Variants in OLFML2A observed in about 807,000 individuals in gnomAD.
OLFML2A encodes the protein olfactomedin like 2A.
OLFML2A carries 47 observed loss-of-function variants against 60.9 expected under a neutral mutation model. The observed-to-expected ratio is 0.77, with a 90% CI of 0.61 to 0.98. The LOEUF (loss-of-function observed/expected upper bound fraction) is 0.98, where lower values mean the gene tolerates loss of function less well. Ranked by LOEUF, OLFML2A falls within the 50% of genes least tolerant of loss-of-function variation. The pLI is 0.00. For missense variants in OLFML2A, 922 were observed against 879.8 expected (o/e 1.05, Z -0.61); for synonymous variants, 372 against 375.0 (o/e 0.99, Z 0.09).
intron 1 of OLFML2A, 98 bp from the exon 2 acceptor site, chr9:124,786,877 G>A (rs1841483774): frequency 2.1e-5 from 27 of 1,311,328 alleles, no homozygotes; most frequent in Non-Finnish European, 2.6e-5. Flanking sequence ...TCATCCCAAG[G>A]CTGGCTGGCC....
intron 4 of OLFML2A, among the ~76,000 whole-genome samples, chr9:124,799,993 TC>T (rs1411660332): frequency 6.6e-6 from 1 of 152,112 alleles, no homozygotes; most frequent in Non-Finnish European, 1.5e-5. Flanking sequence ...GCACTCGACC[TC>T]CAAGCTCAGA....
At chr9:124,784,238 C>G (rs10116150) in intron 1 of OLFML2A, among the ~76,000 whole-genome samples, 5,897 of 150,520 alleles carry the variant, frequency 0.039, 365 homozygotes, top group African/African-American at 0.13. Flanking sequence ...GAGTCTTGCT[C>G]TCTTGTCCAG....
Position 124,780,325 on chromosome 9 carries a change from TG to T in OLFML2A, c.90+2966del, listed in dbSNP as rs1841338122. 2.6e-5 allele frequency among the ~76,000 whole-genome samples: 4 copies of T among 152,346 alleles called. No individual in the cohort carries two copies. In the South Asian group the frequency reaches 8.3e-4, roughly 32 times the overall value. On this transcript the variant is annotated intron_variant, in intron 1 of 7. Coordinates refer to ENST00000373580, the MANE Select transcript of OLFML2A (RefSeq NM_182487.4). Reference sequence around the variant, plus strand: ...TCAGTTTCCCCATCTGTGAAAGGGCTGCCGGTGCCTCACTCCCTCCAGCATC... The same window carrying T: ...TCAGTTTCCCCATCTGTGAAAGGGCTCCGGTGCCTCACTCCCTCCAGCATC...
At chr9:124,792,070 G>C (rs1384596414) in intron 2 of OLFML2A, among the ~76,000 whole-genome samples, 1 of 152,202 alleles carries the variant, frequency 6.6e-6, no homozygotes, top group African/African-American at 2.4e-5. Flanking sequence ...TCCTCCTACA[G>C]AGCTCGGACT....
Position 124,810,113 on chromosome 9 carries a change from G to C in OLFML2A, c.1660G>C (p.Asp554His), listed in dbSNP as rs751418527. The C allele has an allele frequency of 1.2e-6, 2 of 1,613,672 alleles. No individual in the cohort carries two copies. The highest frequency in any genetic ancestry group is 1.3e-5 in the African/African-American group (1 of 74,914). Reference protein sequence around the residue: ...QPEVIVLSRLDPGDLSVHRET... With the variant: ...QPEVIVLSRLHPGDLSVHRET... ...CGAGGTGATCGTCCTGAGTCGCTTG[G>C]ACCCCGGCGATCTCTCCGTGCACCG... Residue 554 changes from aspartate to histidine, a missense_variant, in exon 8 of 8, where the codon GAC (aspartate) becomes CAC (histidine). Physicochemically the swap from Asp to His is moderately conservative, Grantham distance 81. Transcript: ENST00000373580.
intron 2 of OLFML2A, among the ~76,000 whole-genome samples, chr9:124,791,323 C>CT: frequency 6.6e-6 from 1 of 152,246 alleles, no homozygotes; most frequent in East Asian, 1.9e-4. Context: ...GCACCTGTGA[C>CT]TTCCTCTAGC....
At chr9:124,791,276 G>A (rs1841564206) in intron 2 of OLFML2A, among the ~76,000 whole-genome samples, 1 of 152,206 alleles carries the variant, frequency 6.6e-6, no homozygotes, top group Admixed American at 6.5e-5. Flanking sequence ...AGTGGGGTGG[G>A]TGTGGCATGA....
chr9:124,806,795 A>C (rs753895136), intron 6 of OLFML2A, among the ~76,000 whole-genome samples: 5 of 151,214 alleles, frequency 3.3e-5, no homozygotes, highest in Admixed American at 2.0e-4. Flanking sequence ...TTTTTAGTAG[A>C]GATGGGGTTT....
At chr9:124,803,321 G>A (rs1473116464) in intron 5 of OLFML2A, among the ~76,000 whole-genome samples, 1 of 152,030 alleles carries the variant, frequency 6.6e-6, no homozygotes, top group Non-Finnish European at 1.5e-5. Context: ...GCAGTGTAGT[G>A]GCACGATCAT....
intron 6 of OLFML2A, among the ~76,000 whole-genome samples, chr9:124,805,818 T>TGG: frequency 7.5e-6 from 1 of 133,196 alleles, no homozygotes; most frequent in Non-Finnish European, 1.6e-5. Context: ...GTTTTTTTTT[T>TGG]TTTTTTTTTT....
intron 6 of OLFML2A, 78 bp from the exon 7 acceptor site, chr9:124,807,703 A>C: frequency 6.8e-6 from 8 of 1,181,290 alleles, no homozygotes; most frequent in Non-Finnish European, 5.8e-6. Flanking sequence ...TTAGACCCAG[A>C]TAACATTCCC....
chr9:124,807,294 C>CTTTTTTTTTT lies in OLFML2A; in HGVS notation c.1169-484_1169-475dup, dbSNP rs56823893. On this transcript the variant is annotated intron_variant, in intron 6 of 7. Transcript: ENST00000373580. The stretch of plus-strand genomic sequence containing the variant: ...TGAAGATTTTTATTTTCTCCATTCT[C>CTTTTTTTTTT]TTTTTTTTTTTTGAGAAGAGTTTCA... 4.4e-5 allele frequency among the ~76,000 whole-genome samples: 6 copies of CTTTTTTTTTT among 136,164 alleles called. No homozygotes were observed. In the East Asian group the frequency reaches 8.9e-4, roughly 20 times the overall value. The allele number at this position is 136,164 out of a possible 152,430, so 89.3% of individuals were successfully genotyped here.
At chr9:124,793,972 G>C (rs895158750) in intron 2 of OLFML2A, among the ~76,000 whole-genome samples, 2 of 152,170 alleles carry the variant, frequency 1.3e-5, no homozygotes, top group African/African-American at 4.8e-5. Context: ...TCAGTAGTTC[G>C]AGGCTGCAGT....
In OLFML2A at chr9:124,809,927, C is replaced by T. The variant is rs534548756; in HGVS notation, c.1474C>T (p.Arg492Trp). The change falls in exon 8 of 8, where the codon CGG becomes TGG. Residue 492 changes from arginine to tryptophan, a missense_variant. Coordinates refer to ENST00000373580, the MANE Select transcript of OLFML2A (RefSeq NM_182487.4). ...FTKNIIKYDL[R>W]QRFVASWALL... ...CAAGAACATCATCAAGTACGACCTA[C>T]GGCAGCGCTTCGTGGCCTCCTGGGC... is the stretch of plus-strand genomic sequence containing the variant. The T allele has an allele frequency of 9.9e-6, 16 of 1,614,076 alleles. No individual in the cohort carries two copies. The highest frequency in any genetic ancestry group is 3.3e-4 in the Middle Eastern group (2 of 6,084).
In OLFML2A at chr9:124,787,360, G is replaced by A; in HGVS notation, c.354+122G>A. ...GGTGTTACTGCCCCATTTCACAGAT[G>A]AGGAAACTGAGGCTCCCTGAGGGGA... On this transcript the variant is annotated intron_variant, in intron 2 of 7. Coordinates refer to ENST00000373580, the MANE Select transcript of OLFML2A (RefSeq NM_182487.4). The A allele has an allele frequency of 6.6e-6, 6 of 909,360 alleles. No individual in the cohort carries two copies. In the South Asian group the frequency reaches 1.0e-4, roughly 15 times the overall value. The allele number at this position is 909,360 out of a possible 1,614,324, so 56.3% of individuals were successfully genotyped here.
At chr9:124,793,761 C>G (rs778964735) in intron 2 of OLFML2A, among the ~76,000 whole-genome samples, 13 of 152,304 alleles carry the variant, frequency 8.5e-5, no homozygotes, top group Non-Finnish European at 1.6e-4. Flanking sequence ...CGTGGTGGCT[C>G]ATCCCTCTAA....
chr9:124,809,809 C>T lies in OLFML2A; in HGVS notation c.1356C>T (p.Gly452=), dbSNP rs773864797. 1 of 1,595,524 alleles carries T rather than the reference C, an allele frequency of 6.3e-7. No homozygotes were observed. The highest frequency in any genetic ancestry group is 1.1e-5 in the South Asian group (1 of 88,072). Residue 452 remains glycine (G), a splice_region_variant and synonymous_variant, in exon 8 of 8, where the codon GGC becomes GGT. Coordinates refer to ENST00000373580, the MANE Select transcript of OLFML2A (RefSeq NM_182487.4). Reference sequence around the variant, plus strand: ...GGTGACCATCGCCCTCGCCTGCAGGCCGCTGGAGTAACATGTACAAGCTAC... The same window carrying T: ...GGTGACCATCGCCCTCGCCTGCAGGTCGCTGGAGTAACATGTACAAGCTAC... ...EFRNLENFKQ[G]RWSNMYKLPY...
chr9:124,787,220 G>A lies in OLFML2A; in HGVS notation c.336G>A (p.Gln112=), dbSNP rs1841492462. The change falls in exon 2 of 8, where the codon CAG becomes CAA. Residue 112 remains glutamine, a synonymous_variant. Coordinates refer to ENST00000373580, the MANE Select transcript of OLFML2A (RefSeq NM_182487.4). ...NEWKMEKLKK[Q]APELLKLQSM... ...GGAAGATGGAGAAACTCAAAAAGCAGGCGCCCGAGCTCCTCAAGGTAGACT... is the reference window on the plus strand; with the variant it reads ...GGAAGATGGAGAAACTCAAAAAGCAAGCGCCCGAGCTCCTCAAGGTAGACT... 1.9e-6 allele frequency: 3 copies of A among 1,613,976 alleles called. No individual in the cohort carries two copies. The highest frequency in any genetic ancestry group is 2.7e-5 in the African/African-American group (2 of 74,930).
chr9:124,783,327 C>A (rs536464304), intron 1 of OLFML2A, among the ~76,000 whole-genome samples: 10 of 152,148 alleles, frequency 6.6e-5, no homozygotes, highest in Admixed American at 3.9e-4. Flanking sequence ...CAAAAATTAG[C>A]CGGACATGGT....
Sources: gnomAD v4.1 joint callset for allele counts (sites outside exome capture counted in the v4.1 genomes callset) on GRCh38, gnomAD v4.1.1 for gene constraint, MANE v1.5 for transcripts, NCBI Gene and HGNC (gene_info 2026-07-23, HGNC 2026-07-21) for gene names.